The following GABRG3 variants were observed in gnomAD, a reference collection of about 807,000 sequenced individuals.
GABRG3 encodes the protein gamma-aminobutyric acid type A receptor subunit gamma3, also known as gamma-aminobutyric acid receptor subunit gamma-3.
In GABRG3, 25 loss-of-function variants were observed where a neutral mutation model predicts 48.8. The ratio of observed to expected loss-of-function variants is 0.51; its 90% CI spans 0.37 to 0.72. The LOEUF is 0.72. GABRG3 is among the 30% of genes least tolerant of loss of function. The pLI is 0.00. For missense variants in GABRG3, 394 were observed against 577.9 expected, an observed-to-expected ratio of 0.68 and a Z score of 3.26; for synonymous variants, 227 against 217.6, an observed-to-expected ratio of 1.04 and a Z score of -0.38.
intron 5 of GABRG3, among the ~76,000 whole-genome samples, chr15:27,421,071 C>T (rs958478629): frequency 2.6e-5 from 4 of 152,156 alleles, no homozygotes; most frequent in African/African-American, 4.8e-5. Context: ...CTGAGTCCCT[C>T]GTGAAGGGCA....
intron 5 of GABRG3, among the ~76,000 whole-genome samples, chr15:27,383,011 G>T (rs563650415): frequency 6.6e-6 from 1 of 152,264 alleles, no homozygotes; most frequent in South Asian, 2.1e-4. Context: ...GACTTTTACA[G>T]CCTTGAACTG....
intron 3 of GABRG3, among the ~76,000 whole-genome samples, chr15:27,228,154 A>G (rs1385612119): frequency 6.6e-6 from 1 of 152,234 alleles, no homozygotes; most frequent in African/African-American, 2.4e-5. Flanking sequence ...GGTTTGTTGT[A>G]CATATTAATA....
At chr15:27,336,664 A>G (rs1003170913) in intron 5 of GABRG3, among the ~76,000 whole-genome samples, 3 of 152,244 alleles carry the variant, frequency 2.0e-5, no homozygotes, top group Non-Finnish European at 4.4e-5. Context: ...AAGCTTGGGC[A>G]TTTATCGTGG....
chr15:27,115,999 A>G (rs572913795), intron 3 of GABRG3, among the ~76,000 whole-genome samples: 23 of 152,344 alleles, frequency 1.5e-4, no homozygotes, highest in African/African-American at 5.3e-4. Context: ...GAGAATTTAT[A>G]TGCAAGGAAC....
intron 3 of GABRG3, among the ~76,000 whole-genome samples, chr15:27,125,984 A>T (rs955062917): frequency 1.5e-4 from 23 of 152,230 alleles, no homozygotes; most frequent in African/African-American, 5.5e-4. Flanking sequence ...AAAAGGAAGA[A>T]CTGCCTTATG....
chr15:27,030,024 G>T (rs1458840298), intron 3 of GABRG3, among the ~76,000 whole-genome samples: 1 of 152,156 alleles, frequency 6.6e-6, no homozygotes, highest in East Asian at 1.9e-4. Context: ...AAAAATAATA[G>T]AAATTTTAAA....
At chr15:27,175,916 C>T (rs1265701194) in intron 3 of GABRG3, among the ~76,000 whole-genome samples, 1 of 151,922 alleles carries the variant, frequency 6.6e-6, no homozygotes, top group African/African-American at 2.4e-5. Flanking sequence ...GGGCAGCAGG[C>T]CTGGGGCAAA....
chr15:27,495,487 T>G (rs1890463838), intron 6 of GABRG3, among the ~76,000 whole-genome samples: 1 of 152,170 alleles, frequency 6.6e-6, no homozygotes, highest in Non-Finnish European at 1.5e-5. Context: ...TACACATACA[T>G]TTAGAACCAC....
At chr15:27,311,675 T>G (rs897586560) in intron 3 of GABRG3, among the ~76,000 whole-genome samples, 40 of 151,892 alleles carry the variant, frequency 2.6e-4, no homozygotes, top group African/African-American at 9.2e-4. Context: ...AATCCAATGA[T>G]TCAACTTTTC....
intron 5 of GABRG3, among the ~76,000 whole-genome samples, chr15:27,351,998 G>A (rs969127516): frequency 2.0e-5 from 3 of 150,244 alleles, no homozygotes; most frequent in Non-Finnish European, 4.4e-5. Flanking sequence ...GTGTGTGTGT[G>A]TATATATGAT....
chr15:27,309,022 T>C (rs760651765), intron 3 of GABRG3, among the ~76,000 whole-genome samples: 22 of 150,584 alleles, frequency 1.5e-4, no homozygotes, highest in Admixed American at 6.0e-4. Flanking sequence ...TATGTTTATA[T>C]AGAAACATAA....
intron 9 of GABRG3, among the ~76,000 whole-genome samples, chr15:27,529,043 T>C (rs1294041188): frequency 6.6e-6 from 1 of 152,192 alleles, no homozygotes; most frequent in Non-Finnish European, 1.5e-5. Flanking sequence ...TGTTCTGCTT[T>C]GGAAGGTCCT....
intron 1 of GABRG3, among the ~76,000 whole-genome samples, chr15:26,972,650 C>T (rs1212463517): frequency 2.0e-5 from 3 of 152,142 alleles, no homozygotes; most frequent in African/African-American, 7.2e-5. Context: ...CAAGCCTGGC[C>T]ACCATCAGGA....
At chr15:27,003,067 T>C (rs2140657843) in intron 2 of GABRG3, among the ~76,000 whole-genome samples, 3 of 152,058 alleles carry the variant, frequency 2.0e-5, no homozygotes, top group Middle Eastern at 6.8e-3. Flanking sequence ...TATGTTTTCT[T>C]CAAGCTTCTA....
rs1368752308 is a variant in GABRG3 at position 27,307,378 on chromosome 15, TATTTATATATAACCATATA to T, written c.271-19430_271-19412del. Among the ~76,000 whole-genome samples the T allele has an allele frequency of 6.9e-5, 7 of 101,786 alleles. 2 individuals carry two copies. The East Asian group carries it at 1.1e-3, about 16-fold the overall frequency. The allele number at this position is 101,786 out of a possible 152,430, so 66.8% of individuals were successfully genotyped here. ...TTATATATAACCATATAGGTTTATA[TATTTATATATAACCATATA>T]GGTTTATATATTTATATATAAACAT... On this transcript the variant is annotated intron_variant, in intron 3 of 9. Coordinates refer to ENST00000615808, the MANE Select transcript of GABRG3 (RefSeq NM_033223.5).
chr15:27,349,327 T>C (rs1056000122), intron 5 of GABRG3, among the ~76,000 whole-genome samples: 10 of 152,306 alleles, frequency 6.6e-5, no homozygotes, highest in Admixed American at 6.5e-4. Context: ...TCTGGCTTGT[T>C]ATACTTAGTT....
intron 6 of GABRG3, among the ~76,000 whole-genome samples, chr15:27,498,882 A>C (rs1566867932): frequency 6.6e-6 from 1 of 152,186 alleles, no homozygotes; most frequent in Non-Finnish European, 1.5e-5. Flanking sequence ...GCAGCTTTAC[A>C]GTTTTCACGG....
chr15:27,527,892 T>C, intron 8 of GABRG3, 41 bp from the exon 9 acceptor site: 1 of 1,457,762 alleles, frequency 6.9e-7, no homozygotes, highest in Non-Finnish European at 9.4e-7. Flanking sequence ...ATGCAAATGT[T>C]CATGACAGTT....
At chr15:27,039,778 C>G (rs1445366438) in intron 3 of GABRG3, among the ~76,000 whole-genome samples, 1 of 152,130 alleles carries the variant, frequency 6.6e-6, no homozygotes, top group East Asian at 1.9e-4. Flanking sequence ...AATACCAGAC[C>G]CTGTCGGTGT....
Sources: gnomAD v4.1 joint callset for allele counts (sites outside exome capture counted in the v4.1 genomes callset) on GRCh38, gnomAD v4.1.1 for gene constraint, MANE v1.5 for transcripts, NCBI Gene and HGNC (gene_info 2026-07-23, HGNC 2026-07-21) for gene names.